Variants in FBN1 observed in about 807,000 individuals in gnomAD.
FBN1 encodes the protein fibrillin 1.
FBN1 carries 29 observed loss-of-function variants against 365.1 expected under a neutral mutation model. The ratio of observed to expected loss-of-function variants is 0.08; its 90% CI spans 0.06 to 0.11. FBN1 has a LOEUF of 0.11. Ranked by LOEUF, FBN1 falls within the 10% of genes least tolerant of loss-of-function variation. The probability of loss-of-function intolerance (pLI) is 1.00; values close to 1 mark genes in which losing one functional copy is unlikely to be tolerated. For synonymous variants in FBN1, 1,210 were observed against 1,270.5 expected, an observed-to-expected ratio of 0.95 and a Z score of 1.01; for missense variants, 2,476 against 3,703.2, an observed-to-expected ratio of 0.67 and a Z score of 8.60.
chr15:48,545,253 T>A lies in FBN1; in HGVS notation c.539-7445A>T, dbSNP rs80265915. On this transcript the variant is annotated intron_variant, in intron 6 of 65. Coordinates refer to ENST00000316623, the MANE Select transcript of FBN1 (RefSeq NM_000138.5). ...GGGGCAACATATTCTTAAATTAACC[T>A]GTATATCATAAAAGTACCTTGTAAT... 0.018 allele frequency among the ~76,000 whole-genome samples: 2,765 copies of A among 152,318 alleles called. 211 individuals are homozygous for A. In the East Asian group the frequency reaches 0.24, roughly 13 times the overall value.
intron 2 of FBN1, chr15:48,642,489 A>G (rs1254210083): frequency 6.6e-6 from 1 of 152,218 alleles, no homozygotes; most frequent in African/African-American, 2.4e-5. Flanking sequence ...AATACATTCC[A>G]TGTATTAAAA....
intron 6 of FBN1, among the ~76,000 whole-genome samples, chr15:48,568,158 A>AG (rs2044275566): frequency 6.7e-6 from 1 of 148,444 alleles, no homozygotes; most frequent in Non-Finnish European, 1.5e-5. Flanking sequence ...AAAAAAAAAA[A>AG]GTCCAGAAAA....
intron 6 of FBN1, among the ~76,000 whole-genome samples, chr15:48,577,778 A>G (rs556221855): frequency 4.6e-5 from 7 of 152,282 alleles, no homozygotes; most frequent in Admixed American, 1.3e-4. Flanking sequence ...TAATGCACGA[A>G]TTAATGTAAG....
intron 57 of FBN1, 70 bp downstream of exon 57, chr15:48,428,276 A>G: frequency 6.4e-7 from 1 of 1,570,228 alleles, no homozygotes; most frequent in Non-Finnish European, 8.8e-7. Flanking sequence ...ATTTTAAATA[A>G]GAAGTCTGGG....
chr15:48,496,473 C>G (rs180783303), intron 19 of FBN1, among the ~76,000 whole-genome samples: 1 of 152,216 alleles, frequency 6.6e-6, no homozygotes, highest in Admixed American at 6.5e-5. Flanking sequence ...ATTTAATTCA[C>G]TTATTTCTTT....
At chr15:48,446,273 CA>C (rs1331482428) in intron 47 of FBN1, among the ~76,000 whole-genome samples, 2 of 151,916 alleles carry the variant, frequency 1.3e-5, no homozygotes, top group African/African-American at 4.8e-5. Flanking sequence ...GAGTATAGTA[CA>C]ATAAAATATT....
At chr15:48,564,474 GTC>G (rs1183950912) in intron 6 of FBN1, among the ~76,000 whole-genome samples, 3 of 150,878 alleles carry the variant, frequency 2.0e-5, no homozygotes, top group Admixed American at 6.6e-5. Context: ...TGGACTCAAT[GTC>G]TCTGTCTAAA....
In FBN1 at chr15:48,520,690, G is replaced by A. The variant is rs774193938; in HGVS notation, c.1116C>T (p.Val372=). ...AGRCWSPGVT[V]APEMCPIRAT... ...CTCTGATGGGACACATCTCAGGGGC[G>A]ACAGTGACCCCTGGAGACCAGCATC... is the stretch of plus-strand genomic sequence containing the variant. Residue 372 remains valine (V), a synonymous_variant, in exon 10 of 66, where the codon GTC becomes GTT. Transcript: ENST00000316623. 31 of 1,613,994 alleles carry A rather than the reference G, an allele frequency of 1.9e-5. No homozygotes were observed. Among genetic ancestry groups the A allele is most frequent in the African/African-American group, 9.3e-5 (7 of 74,904 alleles).
rs2043585462 is a variant in FBN1 at position 48,494,324 on chromosome 15, G to C, written c.2678-70C>G. ...AACAATATCCAGACTTTGCAGTTCT[G>C]ACATAGTGTAAGAAACATGAAAGAT... On this transcript the variant is annotated intron_variant, in intron 22 of 65. Coordinates refer to ENST00000316623, the MANE Select transcript of FBN1 (RefSeq NM_000138.5). 2.3e-5 allele frequency: 27 copies of C among 1,160,442 alleles called. No homozygotes were observed. The South Asian group carries it at 2.8e-4, about 12-fold the overall frequency. The allele number at this position is 1,160,442 out of a possible 1,614,324, so 71.9% of individuals were successfully genotyped here. A position where few individuals can be genotyped will look rare whatever the true frequency, so the allele number is the denominator to read the frequency against.
At chr15:48,596,682 C>G (rs2044518684) in intron 5 of FBN1, among the ~76,000 whole-genome samples, 1 of 152,210 alleles carries the variant, frequency 6.6e-6, no homozygotes, top group Non-Finnish European at 1.5e-5. Context: ...TGAATGGGAA[C>G]TGTGTGTTAG....
chr15:48,520,310 C>A (rs764498366), intron 10 of FBN1, among the ~76,000 whole-genome samples: 4 of 151,842 alleles, frequency 2.6e-5, no homozygotes, highest in African/African-American at 4.8e-5. Context: ...GTCTCCTGAA[C>A]AACTTACCTG....
At chr15:48,473,684 G>T (rs2043395651) in intron 34 of FBN1, among the ~76,000 whole-genome samples, 1 of 152,100 alleles carries the variant, frequency 6.6e-6, no homozygotes, top group Non-Finnish European at 1.5e-5. Context: ...ATGATGGCCT[G>T]TTGGAGAGAA....
chr15:48,610,602 C>A (rs1234787460), intron 4 of FBN1, 126 bp downstream of exon 4: 8 of 742,498 alleles, frequency 1.1e-5, no homozygotes, highest in South Asian at 9.4e-5. Context: ...TTGGGCAGAA[C>A]AGAGAAGGCA....
rs1239073737 is a variant in FBN1, at chr15:48,508,687, T to C, written c.1732A>G (p.Ile578Val). Residue 578 changes from isoleucine to valine, a missense_variant, in exon 15 of 66, where the codon ATA (isoleucine) becomes GTA (valine). Transcript: ENST00000316623. ...ATTCCATTAAGGCACATGTTCCTTA[T>C]GCTGCATTCATCCATATCTGAAAAT... ...KNCEDMDECS[I>V]RNMCLNGMCI... 1.9e-6 allele frequency: 3 copies of C among 1,613,820 alleles called. No individual in the cohort carries two copies. Among genetic ancestry groups the C allele is most frequent in the East Asian group, 2.2e-5 (1 of 44,866 alleles).
rs151226786 is a variant in FBN1, at chr15:48,590,807, T to C, written c.538+5476A>G. Among the ~76,000 whole-genome samples the C allele has an allele frequency of 7.7e-4, 118 of 152,340 alleles. 1 individual carries two copies. The highest frequency in any genetic ancestry group is 2.8e-3 in the African/African-American group (117 of 41,578). On this transcript the variant is annotated intron_variant, in intron 6 of 65. Coordinates refer to ENST00000316623, the MANE Select transcript of FBN1 (RefSeq NM_000138.5). Reference sequence around the variant, plus strand: ...TTATTCTACTCCACTTTGGCCCCAATTGTTCCTTTTCCTTAAGGCTATCAG... The same window carrying C: ...TTATTCTACTCCACTTTGGCCCCAACTGTTCCTTTTCCTTAAGGCTATCAG...
chr15:48,641,195 G>A (rs1254023178), intron 2 of FBN1: 5 of 152,124 alleles, frequency 3.3e-5, no homozygotes. Context: ...TGTAAAAACA[G>A]AAATTGGCAA....
At chr15:48,456,343 C>A (rs1466169296) in intron 44 of FBN1, among the ~76,000 whole-genome samples, 2 of 152,154 alleles carry the variant, frequency 1.3e-5, no homozygotes, top group Admixed American at 6.5e-5. Context: ...CGAAAGCAAT[C>A]TATGTGACAC....
At chr15:48,599,025 T>A (rs1462726860) in intron 5 of FBN1, among the ~76,000 whole-genome samples, 1 of 152,196 alleles carries the variant, frequency 6.6e-6, no homozygotes, top group Non-Finnish European at 1.5e-5. Flanking sequence ...GCTCCCTGCC[T>A]TCCACCATGA....
chr15:48,472,436 G>T (rs2043383469), intron 35 of FBN1, 115 bp downstream of exon 35: 3 of 1,372,224 alleles, frequency 2.2e-6, no homozygotes, highest in African/African-American at 3.0e-5. Context: ...GCTTAGAAAT[G>T]AAGCTAAAAC....
Sources: allele counts gnomAD v4.1 joint callset (sites outside exome capture counted in the v4.1 genomes callset), GRCh38; gene constraint gnomAD v4.1.1; transcripts MANE v1.5; gene names NCBI Gene and HGNC (gene_info 2026-07-23, HGNC 2026-07-21).